The following BRCA2 variants were observed in gnomAD, a reference collection of about 807,000 sequenced individuals.
The protein encoded by BRCA2 is BRCA2 DNA repair associated.
In BRCA2, 203 loss-of-function variants were observed where a neutral mutation model predicts 276.7. The ratio of observed to expected loss-of-function variants is 0.73; its 90% confidence interval spans 0.65 to 0.82. The LOEUF is 0.82. Among genes scored for constraint, BRCA2 ranks in the 40% least tolerant of loss-of-function variants. The pLI is 0.00. For synonymous variants in BRCA2, 1,289 were observed against 1,338.4 expected, an observed-to-expected ratio of 0.96 and a Z score of 0.81; for missense variants, 3,920 against 3,915.0, an observed-to-expected ratio of 1.00 and a Z score of -0.03.
rs1566249132 is a variant in BRCA2 at position 32,370,935 on chromosome 13, GT to G, written c.8488-20del. The G allele has an allele frequency of 9.3e-6, 15 of 1,613,532 alleles. No homozygotes were observed. The highest frequency in any genetic ancestry group is 1.3e-5 in the Non-Finnish European group (15 of 1,179,668). ...ATGTTATATATGTGACTTTTTTGGT[GT>G]GTGTAACACATTATTACAGTGGATG... On this transcript the variant is annotated intron_variant, in intron 19 of 26. Transcript: ENST00000380152.
intron 24 of BRCA2, among the ~76,000 whole-genome samples, chr13:32,391,194 A>G (rs915378142): frequency 6.6e-6 from 1 of 152,154 alleles, no homozygotes; most frequent in Non-Finnish European, 1.5e-5. Context: ...TTAGGTTGGG[A>G]AAGATTTGTT....
rs1183065367 is a variant in BRCA2, at chr13:32,378,193, A to G, written c.8755-1124A>G. ...TTTAACAATATTTTTTTGTCTGGACATAAGGGGGCAGAATAAGAGTTGGAG... is the reference window on the plus strand; with the variant it reads ...TTTAACAATATTTTTTTGTCTGGACGTAAGGGGGCAGAATAAGAGTTGGAG... On this transcript the variant is annotated intron_variant, in intron 21 of 26. Transcript: ENST00000380152. Among the ~76,000 whole-genome samples the G allele has an allele frequency of 2.6e-5, 4 of 152,198 alleles. No individual in the cohort carries two copies. The East Asian group carries it at 5.8e-4, about 22-fold the overall frequency.
In BRCA2 at chr13:32,325,116, A is replaced by G. The variant is rs1488311902; in HGVS notation, c.357A>G (p.Thr119=). The change falls in exon 4 of 27, where the codon ACA becomes ACG. Residue 119 remains threonine, a synonymous_variant. Coordinates refer to ENST00000380152, the MANE Select transcript of BRCA2 (RefSeq NM_000059.4). ...ATAGTAGACATAAAAGTCTTCGCAC[A>G]GTGAAAACTAAAATGGATCAAGCAG... The part of the protein sequence containing the change: ...VPNSRHKSLR[T]VKTKMDQADD... The G allele has an allele frequency of 1.2e-6, 2 of 1,609,210 alleles. No homozygotes were observed. Among genetic ancestry groups the G allele is most frequent in the Admixed American group, 1.7e-5 (1 of 60,022 alleles).
Position 32,332,958 on chromosome 13 carries a change from G to T in BRCA2, c.1480G>T (p.Val494Leu). 6.2e-7 allele frequency: 1 copy of T among 1,602,586 alleles called. No homozygotes were observed. Among genetic ancestry groups the T allele is most frequent in the Non-Finnish European group, 8.5e-7 (1 of 1,177,372 alleles). ...VKQAISGTSP[V>L]ASSFQGIKKS... ...GCAGGCAATATCTGGAACTTCTCCA[G>T]TGGCTTCTTCATTTCAGGGTATCAA... Residue 494 changes from valine to leucine, a missense_variant, in exon 10 of 27, where the codon GTG becomes TTG. Transcript: ENST00000380152.
rs1566235405 is a variant in BRCA2, at chr13:32,341,140, T to TG, written c.6787dup (p.Val2263GlyfsTer30). 6.2e-7 allele frequency: 1 copy of TG among 1,613,948 alleles called. No individual in the cohort carries two copies. Among genetic ancestry groups the TG allele is most frequent in the South Asian group, 1.1e-5 (1 of 91,070 alleles). ...TTTACATGTCCCGAAAATGAGGAAA[T>TG]GGTTTTGTCAAATTCAAGAATTGGA... On this transcript the variant is annotated frameshift_variant, in exon 11 of 27. Coordinates refer to ENST00000380152, the MANE Select transcript of BRCA2 (RefSeq NM_000059.4). LOFTEE classifies it high-confidence loss of function.
At position 32,396,941 on chromosome 13, in the gene BRCA2, AT is replaced by A. The variant is rs1566260131; in HGVS notation, c.9546del (p.His3182GlnfsTer35). On this transcript the variant is annotated frameshift_variant, in exon 26 of 27. Coordinates refer to ENST00000380152, the MANE Select transcript of BRCA2 (RefSeq NM_000059.4). LOFTEE classifies it high-confidence loss of function. ...LCNEAENKLM[H>X]ILHANDPKWS... is the part of the protein sequence containing the mutation. ...AATGAAGCAGAAAACAAGCTTATGC[AT>A]ATACTGCATGCAAATGATCCCAAGT... The A allele has an allele frequency of 6.2e-7, 1 of 1,614,138 alleles. No homozygotes were observed. The highest frequency in any genetic ancestry group is 1.1e-5 in the South Asian group (1 of 91,092).
rs397507286 is a variant in BRCA2 at position 32,336,831 on chromosome 13, G to GA, written c.2480dup (p.Asn827LysfsTer3). The GA allele has an allele frequency of 6.2e-7, 1 of 1,602,598 alleles. No homozygotes were observed. The highest frequency in any genetic ancestry group is 1.4e-5 in the African/African-American group (1 of 73,976). ...GAATCAAGATGTATGTGCTTTAAATGAAAATTATAAAAACGTTGAGCTGTT... is the reference window on the plus strand; with the variant it reads ...GAATCAAGATGTATGTGCTTTAAATGAAAAATTATAAAAACGTTGAGCTGTT... On this transcript the variant is annotated frameshift_variant, in exon 11 of 27. Coordinates refer to ENST00000380152, the MANE Select transcript of BRCA2 (RefSeq NM_000059.4). LOFTEE classifies it high-confidence loss of function.
At chr13:32,356,670 C>T in intron 15 of BRCA2, 61 bp downstream of exon 15, 5 of 1,539,610 alleles carry the variant, frequency 3.2e-6, no homozygotes, top group Non-Finnish European at 4.5e-6. Context: ...ATTTCATTAA[C>T]TAGTATCTAC....
In BRCA2 at chr13:32,347,353, C is replaced by T. The variant is rs184797268; in HGVS notation, c.7007+457C>T. The stretch of plus-strand genomic sequence containing the variant: ...TTAGTAAGCATGAGAAAGCTAAAAC[C>T]TGACACTAGAGCAAACAGAGATGCT... On this transcript the variant is annotated intron_variant, in intron 13 of 26. Coordinates refer to ENST00000380152, the MANE Select transcript of BRCA2 (RefSeq NM_000059.4). Among the ~76,000 whole-genome samples the T allele has an allele frequency of 1.2e-4, 18 of 152,114 alleles. No homozygotes were observed. In the East Asian group the frequency reaches 3.3e-3, roughly 28 times the overall value.
In BRCA2 at chr13:32,390,265, G is replaced by T. The variant is rs11571806; in HGVS notation, c.9257-4424G>T. ...TACCCCCAAAACCATTCAACTTCCT[G>T]CCTTAAACCACCACCATACACACGT... On this transcript the variant is annotated intron_variant, in intron 24 of 26. Transcript: ENST00000380152. 4.6e-3 allele frequency among the ~76,000 whole-genome samples: 703 copies of T among 151,942 alleles called. 5 individuals carry two copies. The highest frequency in any genetic ancestry group is 0.017 in the African/African-American group (685 of 41,450).
rs761678083 is a variant in BRCA2, at chr13:32,346,831, A to G, written c.6942A>G (p.Thr2314=). The G allele has an allele frequency of 6.2e-7, 1 of 1,606,434 alleles. No individual in the cohort carries two copies. The highest frequency in any genetic ancestry group is 1.7e-4 in the Middle Eastern group (1 of 5,972). ...TATAAAATAATTGTTTCCTAGGCAC[A>G]ATAAAAGATCGAAGATTGTTTATGC... ...LKASKSTPDG[T]IKDRRLFMHH... Residue 2314 remains threonine (T), a synonymous_variant, in exon 13 of 27, where the codon ACA becomes ACG. Coordinates refer to ENST00000380152, the MANE Select transcript of BRCA2 (RefSeq NM_000059.4).
At position 32,342,694 on chromosome 13, in the gene BRCA2, A is replaced by G. The variant is rs2072580758; in HGVS notation, c.6841+1498A>G. Among the ~76,000 whole-genome samples, 6 of 152,238 alleles carry G rather than the reference A, an allele frequency of 3.9e-5. 1 individual carries two copies. In the South Asian group the frequency reaches 1.2e-3, roughly 31 times the overall value. On this transcript the variant is annotated intron_variant, in intron 11 of 26. Transcript: ENST00000380152. Reference sequence around the variant, plus strand: ...CCTGAATACTCTAGGCAGTTTTAACACAGTGGCAAGCATTTGTGTATGTGA... The same window carrying G: ...CCTGAATACTCTAGGCAGTTTTAACGCAGTGGCAAGCATTTGTGTATGTGA...
In BRCA2 at chr13:32,332,755, A is replaced by C. The variant is rs1421854019; in HGVS notation, c.1277A>C (p.Lys426Thr). The change falls in exon 10 of 27, where the codon AAA becomes ACA. Residue 426 changes from lysine to threonine, a missense_variant. By Grantham distance (78) the Lys-to-Thr change is moderately conservative. Around this residue, in one of 2 missense-constraint regions of BRCA2, gnomAD observed 3,263 missense variants for 3,156.9 expected, o/e 1.03. Transcript: ENST00000380152. The part of the protein sequence containing the change: ...ISSCDQNISE[K>T]DLLDTENKRK... The stretch of plus-strand genomic sequence containing the variant: ...TCATGTGACCAAAATATTTCAGAAA[A>C]AGACCTATTAGACACAGAGAACAAA... 3 of 1,608,346 alleles carry C rather than the reference A, an allele frequency of 1.9e-6. No homozygotes were observed. The highest frequency in any genetic ancestry group is 1.7e-5 in the Admixed American group (1 of 58,556).
chr13:32,319,058 G>T lies in BRCA2; in HGVS notation c.68-19G>T, dbSNP rs747261314. On this transcript the variant is annotated intron_variant, in intron 2 of 26. Transcript: ENST00000380152. The stretch of plus-strand genomic sequence containing the variant: ...TCTGTCACTGGTTAAAACTAAGGTG[G>T]GATTTTTTTTTTAAATAGATTTAGG... The T allele has an allele frequency of 6.2e-6, 10 of 1,611,166 alleles. No homozygotes were observed. Among genetic ancestry groups the T allele is most frequent in the Non-Finnish European group, 8.5e-6 (10 of 1,179,248 alleles).
Position 32,338,826 on chromosome 13 carries a change from CTGAA to C in BRCA2, c.4472_4475del (p.Leu1491GlnfsTer12), listed in dbSNP as rs80359452. 2 of 1,613,600 alleles carry C rather than the reference CTGAA, an allele frequency of 1.2e-6. No individual in the cohort carries two copies. Among genetic ancestry groups the C allele is most frequent in the Non-Finnish European group, 1.7e-6 (2 of 1,179,830 alleles). On this transcript the variant is annotated frameshift_variant, in exon 11 of 27. Coordinates refer to ENST00000380152, the MANE Select transcript of BRCA2 (RefSeq NM_000059.4). LOFTEE classifies it high-confidence loss of function. ...AACAGACATAGTTAAACACAAAATACTGAAAGAAAGTGTCCCAGTTGGTACTGGA... is the reference window on the plus strand; with the variant it reads ...AACAGACATAGTTAAACACAAAATACAGAAAGTGTCCCAGTTGGTACTGGA...
At chr13:32,368,076 GTGGCACGATCT>G (rs2137591628) in intron 18 of BRCA2, among the ~76,000 whole-genome samples, 1 of 117,294 alleles carries the variant, frequency 8.5e-6, no homozygotes, top group East Asian at 2.9e-4. Context: ...CTGGAGTGCA[GTGGCACGATCT>G]TGGCTCACTG....
chr13:32,347,013 T>C, intron 13 of BRCA2, 117 bp downstream of exon 13: 3 of 683,782 alleles, frequency 4.4e-6, no homozygotes, highest in Non-Finnish European at 7.2e-6. Context: ...ACTTCCCGTT[T>C]TATAAAATTT....
chr13:32,342,323 ATAG>A (rs954841304), intron 11 of BRCA2, among the ~76,000 whole-genome samples: 2 of 151,916 alleles, frequency 1.3e-5, no homozygotes, highest in African/African-American at 4.8e-5. Context: ...AACTTGACAT[ATAG>A]TAGGCAGAGA....
At chr13:32,372,990 A>G (rs570236926) in intron 20 of BRCA2, among the ~76,000 whole-genome samples, 187 of 145,864 alleles carry the variant, frequency 1.3e-3, no homozygotes, top group African/African-American at 4.6e-3. Flanking sequence ...CAGGCAATCA[A>G]TGAATCTTTT....
Sources: gnomAD v4.1 joint callset for allele counts (sites outside exome capture counted in the v4.1 genomes callset) on GRCh38, gnomAD v4.1.1 for gene constraint, gnomAD v4.1.1 regional missense constraint, MANE v1.5 for transcripts, NCBI Gene and HGNC (gene_info 2026-07-23, HGNC 2026-07-21) for gene names.